The following ZMIZ1 variants were observed in gnomAD, a reference collection of about 807,000 sequenced individuals.
The protein encoded by ZMIZ1 is zinc finger MIZ-type containing 1.
Under a neutral mutation model 113.9 loss-of-function variants are expected in ZMIZ1, and 17 were observed. The ratio of observed to expected loss-of-function variants is 0.15; its 90% CI spans 0.10 to 0.22. The LOEUF (loss-of-function observed/expected upper bound fraction) is 0.22. Ranked by LOEUF, ZMIZ1 falls within the 10% of genes least tolerant of loss-of-function variation. ZMIZ1 has a pLI of 1.00. For missense variants in ZMIZ1, 1,059 were observed against 1,477.8 expected (o/e 0.72, Z 4.65); for synonymous variants, 607 against 603.1 (o/e 1.01, Z -0.09).
intron 7 of ZMIZ1, among the ~76,000 whole-genome samples, chr10:79,252,707 C>T (rs1850628057): frequency 6.6e-6 from 1 of 152,196 alleles, no homozygotes; most frequent in African/African-American, 2.4e-5. Context: ...ATGTAGGCTG[C>T]CCACTGAGTG....
intron 11 of ZMIZ1, 123 bp from the exon 12 acceptor site, chr10:79,293,258 C>A: frequency 7.3e-7 from 1 of 1,377,388 alleles, no homozygotes; most frequent in Non-Finnish European, 9.8e-7. Context: ...CACTGCCGCA[C>A]AGGACAGTGC....
At chr10:79,281,656 G>T (rs554896520) in intron 8 of ZMIZ1, among the ~76,000 whole-genome samples, 51 of 152,358 alleles carry the variant, frequency 3.3e-4, no homozygotes, top group African/African-American at 1.1e-3. Context: ...AAGGAAAGCT[G>T]TGTGGGCTGG....
chr10:79,266,272 T>C (rs926750066), intron 7 of ZMIZ1, among the ~76,000 whole-genome samples: 6 of 152,212 alleles, frequency 3.9e-5, no homozygotes, highest in Admixed American at 6.5e-5. Flanking sequence ...GGGATATGCC[T>C]GCTCTCAGAC....
At chr10:79,236,500 C>CTGCCGT (rs1564541153) in intron 7 of ZMIZ1, among the ~76,000 whole-genome samples, 2 of 152,212 alleles carry the variant, frequency 1.3e-5, no homozygotes, top group East Asian at 3.8e-4. Context: ...GACATTCGAG[C>CTGCCGT]TGCCGTTGCC....
At chr10:79,309,706 C>T (rs1007943715) in intron 23 of ZMIZ1, among the ~76,000 whole-genome samples, 1 of 152,152 alleles carries the variant, frequency 6.6e-6, no homozygotes, top group Middle Eastern at 3.2e-3. Flanking sequence ...TGGGCAAAGA[C>T]CGAGGATGGT....
At chr10:79,290,856 C>T in intron 9 of ZMIZ1, 103 bp from the exon 10 acceptor site, 1 of 1,334,040 alleles carries the variant, frequency 7.5e-7, no homozygotes, top group Non-Finnish European at 1.1e-6. Context: ...TGTTGTCCTG[C>T]CTCCACTTTG....
intron 7 of ZMIZ1, among the ~76,000 whole-genome samples, chr10:79,221,812 G>A (rs1295975277): frequency 6.6e-6 from 1 of 152,200 alleles, no homozygotes; most frequent in Non-Finnish European, 1.5e-5. Context: ...CCCAGAGAGG[G>A]GAGGACCCAC....
chr10:79,205,373 G>C (rs1252438309), intron 5 of ZMIZ1, among the ~76,000 whole-genome samples: 1 of 152,218 alleles, frequency 6.6e-6, no homozygotes, highest in African/African-American at 2.4e-5. Context: ...TACACAGCAG[G>C]CTCACCATCC....
At chr10:79,135,681 C>G (rs1844970911) in intron 2 of ZMIZ1, among the ~76,000 whole-genome samples, 1 of 152,158 alleles carries the variant, frequency 6.6e-6, no homozygotes. Flanking sequence ...TCAGCGTGGC[C>G]CATTGGCCCA....
chr10:79,127,212 G>A (rs980576217), intron 2 of ZMIZ1, among the ~76,000 whole-genome samples: 2 of 152,194 alleles, frequency 1.3e-5, no homozygotes, highest in African/African-American at 2.4e-5. Flanking sequence ...TGCTGCCGGC[G>A]CTCTGGGTGC....
rs1466187316 is a variant in ZMIZ1 at position 79,208,399 on chromosome 10, C to T, written c.124C>T (p.Pro42Ser). The T allele has an allele frequency of 6.2e-7, 1 of 1,614,110 alleles. No individual in the cohort carries two copies. The highest frequency in any genetic ancestry group is 8.5e-7 in the Non-Finnish European group (1 of 1,180,036). ...GGAGCTGCTGGACTGGTGCGGAGACCCACGGGCCTTCCAGCGGCCCTTCGA... is the reference window on the plus strand; with the variant it reads ...GGAGCTGCTGGACTGGTGCGGAGACTCACGGGCCTTCCAGCGGCCCTTCGA... ...ATELLDWCGDPRAFQRPFEQS... is the reference protein window; with the variant it reads ...ATELLDWCGDSRAFQRPFEQS... Residue 42 changes from proline to serine, a missense_variant, in exon 6 of 25, where the codon CCA becomes TCA. By Grantham distance (74) the Pro-to-Ser change is moderately conservative. This residue lies in a region of ZMIZ1 where 272 missense variants were observed against 350.4 expected (regional missense o/e 0.78). Transcript: ENST00000334512.
chr10:79,158,592 C>T (rs1172464916), intron 3 of ZMIZ1, among the ~76,000 whole-genome samples: 1 of 152,222 alleles, frequency 6.6e-6, no homozygotes, highest in African/African-American at 2.4e-5. Flanking sequence ...CACCCCTGGT[C>T]CTAAATTTCG....
At chr10:79,308,504 C>CCCA (rs1854889843) in intron 23 of ZMIZ1, among the ~76,000 whole-genome samples, 1 of 152,154 alleles carries the variant, frequency 6.6e-6, no homozygotes, top group Non-Finnish European at 1.5e-5. Flanking sequence ...GGGGTCCTGC[C>CCCA]AGAGTCTGGC....
Position 79,300,718 on chromosome 10 carries a change from C to T in ZMIZ1, c.1809-14C>T, listed in dbSNP as rs752436325. The T allele has an allele frequency of 3.7e-6, 6 of 1,612,178 alleles. No homozygotes were observed. Among genetic ancestry groups the T allele is most frequent in the Admixed American group, 1.7e-5 (1 of 59,944 alleles). ...CTGGCAGAGCTGCCCTGAGCACCCT[C>T]GTTCCCCACCTAGGTCTGACCTGGA... On this transcript the variant is annotated splice_polypyrimidine_tract_variant and intron_variant, in intron 16 of 24. Transcript: ENST00000334512.
rs1034577177 is a variant in ZMIZ1, at chr10:79,315,110, A to T, written c.*2361A>T. ...CAGGCCCCGGGCACCTCCTGCAACC[A>T]TCTCTGGGCTCAGCACCTGAGGCGG... On this transcript the variant is annotated 3_prime_UTR_variant, in exon 25 of 25. Coordinates refer to ENST00000334512, the MANE Select transcript of ZMIZ1 (RefSeq NM_020338.4). 2.0e-5 allele frequency: 3 copies of T among 152,768 alleles called. No homozygotes were observed. Among genetic ancestry groups the T allele is most frequent in the African/African-American group, 7.2e-5 (3 of 41,438 alleles). The allele number at this position is 152,768 out of a possible 1,614,324, so 9.5% of individuals were successfully genotyped here.
At chr10:79,192,653 A>G (rs1847654350) in intron 4 of ZMIZ1, among the ~76,000 whole-genome samples, 1 of 152,304 alleles carries the variant, frequency 6.6e-6, no homozygotes, top group Middle Eastern at 3.4e-3. Context: ...TTTTTAAAAC[A>G]CTGTCCCCTA....
At chr10:79,208,944 A>G (rs11002868) in intron 6 of ZMIZ1, among the ~76,000 whole-genome samples, 21,197 of 152,138 alleles carry the variant, frequency 0.14, 1,806 homozygotes, top group East Asian at 0.3. Flanking sequence ...TGCTAAGTCC[A>G]GGGAAACTGA....
At chr10:79,247,350 A>G (rs1850269237) in intron 7 of ZMIZ1, among the ~76,000 whole-genome samples, 1 of 152,188 alleles carries the variant, frequency 6.6e-6, no homozygotes, top group Admixed American at 6.5e-5. Flanking sequence ...GGAAGCTCAC[A>G]GTGTCCTTGT....
At position 79,315,955 on chromosome 10, in the gene ZMIZ1, A is replaced by G. The variant is rs1220099767; in HGVS notation, c.*3206A>G. 1.3e-5 allele frequency: 2 copies of G among 152,648 alleles called. No individual in the cohort carries two copies. The highest frequency in any genetic ancestry group is 1.3e-4 in the Admixed American group (2 of 15,280). The allele number at this position is 152,648 out of a possible 1,614,324, so 9.5% of individuals were successfully genotyped here. A position where few individuals can be genotyped will look rare whatever the true frequency, so the allele number is the denominator to read the frequency against. ...CCACGTCTGTCTCTCTCGCTCATGT[A>G]ATATACTCTGACCCTGAGTGGAAAG... is the stretch of plus-strand genomic sequence containing the variant. On this transcript the variant is annotated 3_prime_UTR_variant, in exon 25 of 25. Transcript: ENST00000334512.
Sources: allele counts gnomAD v4.1 joint callset (sites outside exome capture counted in the v4.1 genomes callset), GRCh38; gene constraint gnomAD v4.1.1; regional missense constraint gnomAD v4.1.1; transcripts MANE v1.5; gene names NCBI Gene and HGNC (gene_info 2026-07-23, HGNC 2026-07-21).